Variants in ARR3 observed in about 807,000 individuals in gnomAD.
The protein encoded by ARR3 is arrestin 3, also known as arrestin-C.
Under a neutral mutation model 35.4 loss-of-function variants are expected in ARR3, and 14 were observed. That is an observed-to-expected ratio of 0.40 (90% CI 0.26 to 0.62). The LOEUF (loss-of-function observed/expected upper bound fraction) is 0.62, where lower values mean the gene tolerates loss of function less well. Among genes scored for constraint, ARR3 ranks in the 20% least tolerant of loss-of-function variants. ARR3 has a pLI of 0.46. For missense variants in ARR3, 259 were observed against 303.8 expected (o/e 0.85, Z 1.10); for synonymous variants, 97 against 119.1 (o/e 0.81, Z 1.21).
Position 70,276,301 on chromosome X carries a change from G to A in ARR3, c.345+20G>A, listed in dbSNP as rs2085652600. The A allele has an allele frequency of 8.3e-7, 1 of 1,204,528 alleles. No homozygotes were observed. The highest frequency in any genetic ancestry group is 1.1e-6 in the Non-Finnish European group (1 of 890,063). On this transcript the variant is annotated intron_variant, in intron 6 of 16. Transcript: ENST00000307959. Reference sequence around the variant, plus strand: ...CTGCAGGTACTGACCCCAAGCCCTGGGCAGGCAAGGTCTCCAGGGAAGATT... The same window carrying A: ...CTGCAGGTACTGACCCCAAGCCCTGAGCAGGCAAGGTCTCCAGGGAAGATT...
In ARR3 at chrX:70,268,554, C is replaced by A. The variant is rs774064150; in HGVS notation, c.-31+182C>A. Among the ~76,000 whole-genome samples, 114 of 111,769 alleles carry A rather than the reference C, an allele frequency of 1.0e-3. 1 individual carries two copies. Among genetic ancestry groups the A allele is most frequent in the Admixed American group, 2.8e-3 (30 of 10,581 alleles). On this transcript the variant is annotated intron_variant, in intron 1 of 16. Transcript: ENST00000307959. ...GCTCCCCTAAGCTCACCCCCTGGGC[C>A]AGGCTCAGTAAGCATCAAAGGAAAG...
intron 2 of ARR3, 43 bp downstream of exon 2, chrX:70,269,436 TA>T: frequency 8.9e-7 from 1 of 1,129,727 alleles, no homozygotes; most frequent in East Asian, 3.0e-5. Context: ...AATTGCTCCC[TA>T]CCCCAATCCA....
In ARR3 at chrX:70,277,765, G is replaced by C. The variant is rs756683906; in HGVS notation, c.659G>C (p.Cys220Ser). 1 of 1,210,212 alleles carries C rather than the reference G, an allele frequency of 8.3e-7. No individual in the cohort carries two copies. Among genetic ancestry groups the C allele is most frequent in the African/African-American group, 1.7e-5 (1 of 57,632 alleles). ...PISVNVSINN[C>S]TNKVIKKIKI... The stretch of plus-strand genomic sequence containing the variant: ...TCTGTCAATGTTTCTATCAACAACT[G>C]CACCAACAAGGTCATCAAAAAAATC... Residue 220 changes from cysteine to serine, a missense_variant, in exon 10 of 17, where the codon TGC becomes TCC. Transcript: ENST00000307959.
intron 15 of ARR3, 50 bp from the exon 16 acceptor site, chrX:70,281,049 C>G (rs1250244584): frequency 8.4e-7 from 1 of 1,196,522 alleles, no homozygotes; most frequent in Non-Finnish European, 1.1e-6. Context: ...CGAAGAGCCT[C>G]TAATCAGCTT....
In ARR3 at chrX:70,269,851, C is replaced by G; in HGVS notation, c.48C>G (p.Ile16Met). Residue 16 changes from isoleucine to methionine, a missense_variant, in exon 4 of 17, where the codon ATC becomes ATG. Coordinates refer to ENST00000307959, the MANE Select transcript of ARR3 (RefSeq NM_004312.3). ...AAGTTGTTCCACAACAGCTCTCCAT[C>G]TACCTGGGGAAACGGGACTTCGTGG... ...KKTSSNGKLS[I>M]YLGKRDFVDH... 1 of 1,208,948 alleles carries G rather than the reference C, an allele frequency of 8.3e-7. No individual in the cohort carries two copies.
chrX:70,278,924 A>G (rs2085666554), intron 12 of ARR3, among the ~76,000 whole-genome samples: 1 of 113,053 alleles, frequency 8.8e-6, no homozygotes, highest in African/African-American at 3.2e-5. Context: ...AAGGTCCGAC[A>G]TATGTACTAT....
chrX:70,281,068 T>C (rs750343028), intron 15 of ARR3, 31 bp from the exon 16 acceptor site: 15 of 1,204,218 alleles, frequency 1.2e-5, no homozygotes, highest in Non-Finnish European at 1.6e-5. Context: ...TTCAGCTCCA[T>C]TTTTTCCCTC....
intron 12 of ARR3, among the ~76,000 whole-genome samples, chrX:70,278,882 T>C (rs2085666320): frequency 8.9e-6 from 1 of 112,670 alleles, no homozygotes; most frequent in Admixed American, 9.3e-5. Flanking sequence ...AGGAAAACAA[T>C]CCTTATGTTG....
At chrX:70,275,659 CTTTTTTTTTTTTTTTT>C (rs35378424) in intron 5 of ARR3, among the ~76,000 whole-genome samples, 1 of 42,034 alleles carries the variant, frequency 2.4e-5, no homozygotes, top group Admixed American at 3.8e-4. Context: ...AGCCTTCAAT[CTTTTTTTTTTTTTTTT>C]TTTTTTTTTT....
intron 15 of ARR3, 94 bp from the exon 16 acceptor site, chrX:70,281,005 G>T (rs947459721): frequency 7.3e-6 from 7 of 962,933 alleles, no homozygotes; most frequent in African/African-American, 2.0e-5. Flanking sequence ...GGGAAGTTGG[G>T]GGGGGGGGAA....
intron 15 of ARR3, 26 bp from the exon 16 acceptor site, chrX:70,281,073 T>C: frequency 8.3e-7 from 1 of 1,208,771 alleles, no homozygotes; most frequent in African/African-American, 1.7e-5. Context: ...CTCCATTTTT[T>C]CCCTCCGTCT....
intron 5 of ARR3, among the ~76,000 whole-genome samples, chrX:70,273,553 A>G (rs1247875970): frequency 8.9e-6 from 1 of 111,939 alleles, no homozygotes; most frequent in Non-Finnish European, 1.9e-5. Flanking sequence ...TCAGCTCCTC[A>G]CAACTGTCCT....
intron 7 of ARR3, 82 bp downstream of exon 7, chrX:70,276,574 C>A: frequency 8.6e-7 from 1 of 1,169,062 alleles, no homozygotes; most frequent in Non-Finnish European, 1.2e-6. Flanking sequence ...GAGAAATGGA[C>A]AGCTAAGGAA....
intron 10 of ARR3, 68 bp downstream of exon 10, chrX:70,277,868 T>G (rs2085660718): frequency 9.8e-7 from 1 of 1,018,704 alleles, no homozygotes; most frequent in African/African-American, 1.9e-5. Flanking sequence ...AAATTCTATC[T>G]CACTTACCTG....
rs2085677986 is a variant in ARR3 at position 70,280,793 on chromosome X, C to T, written c.1041C>T (p.Val347=). 4.1e-6 allele frequency: 5 copies of T among 1,211,253 alleles called. No individual in the cohort carries two copies. Among genetic ancestry groups the T allele is most frequent in the Non-Finnish European group, 5.6e-6 (5 of 895,416 alleles). ...ASDVGVELPL[V]LIHPKPSHEA... ...ATGTTGGTGTGGAGCTACCCTTGGT[C>T]CTGATCCATCCGAAGCCATCTCATG... Residue 347 remains valine (V), a synonymous_variant, in exon 15 of 17, where the codon GTC becomes GTT. Transcript: ENST00000307959.
At position 70,278,507 on chromosome X, in the gene ARR3, G is replaced by C; in HGVS notation, c.771G>C (p.Glu257Asp). The stretch of plus-strand genomic sequence containing the variant: ...TTCTCTTGTTCTTCTTTTGTAGGGA[G>C]ACTGTAGCTGCTAATTCCAGCTTCT... ...TKTVFIQEFT[E>D]TVAANSSFSQ... Residue 257 changes from glutamate (E) to aspartate (D), a missense_variant, in exon 12 of 17, where the codon GAG becomes GAC. Coordinates refer to ENST00000307959, the MANE Select transcript of ARR3 (RefSeq NM_004312.3). 8.3e-7 allele frequency: 1 copy of C among 1,208,994 alleles called. No homozygotes were observed. Among genetic ancestry groups the C allele is most frequent in the Non-Finnish European group, 1.1e-6 (1 of 894,150 alleles).
At chrX:70,269,119 A>G (rs2085619235) in intron 1 of ARR3, among the ~76,000 whole-genome samples, 1 of 111,954 alleles carries the variant, frequency 8.9e-6, no homozygotes, top group African/African-American at 3.3e-5. Context: ...TAGTATGGTT[A>G]GTCAATGATT....
intron 12 of ARR3, among the ~76,000 whole-genome samples, 172 bp from the exon 13 acceptor site, chrX:70,280,023 A>G (rs1362828034): frequency 8.9e-6 from 1 of 111,909 alleles, no homozygotes; most frequent in Non-Finnish European, 1.9e-5. Flanking sequence ...AGTGAATGTC[A>G]GGAAGAGAAA....
In ARR3 at chrX:70,276,527, G is replaced by A. The variant is rs761263176; in HGVS notation, c.405+35G>A. The A allele has an allele frequency of 1.7e-5, 20 of 1,194,680 alleles. No individual in the cohort carries two copies. The South Asian group carries it at 2.8e-4, about 17-fold the overall frequency. On this transcript the variant is annotated intron_variant, in intron 7 of 16. Transcript: ENST00000307959. ...GGGTTCTAAGAAAGAGGGATAGGTA[G>A]TGCCAGGGAAGAGGAACAGTGGGAC...
Sources: allele counts gnomAD v4.1 joint callset (sites outside exome capture counted in the v4.1 genomes callset), GRCh38; gene constraint gnomAD v4.1.1; transcripts MANE v1.5; gene names NCBI Gene and HGNC (gene_info 2026-07-23, HGNC 2026-07-21).